The following IGLL1 variants were observed in gnomAD, a reference collection of about 807,000 sequenced individuals.
IGLL1 encodes immunoglobulin lambda-like polypeptide 1.
Under a neutral mutation model 10.5 loss-of-function variants are expected in IGLL1, and 10 were observed. That is an observed-to-expected ratio of 0.95 (90% confidence interval 0.59 to 1.62). The LOEUF is 1.62. Ranked by LOEUF, IGLL1 falls within the 40% of genes most tolerant of loss-of-function variation. The probability of loss-of-function intolerance (pLI) is 0.00; values close to 1 mark genes in which losing one functional copy is unlikely to be tolerated. For synonymous variants in IGLL1, 141 were observed against 122.7 expected (o/e 1.15, Z -0.99); for missense variants, 284 against 278.7 (o/e 1.02, Z -0.14).
At position 23,574,977 on chromosome 22, in the gene IGLL1, G is replaced by A; in HGVS notation, c.312C>T (p.Leu104=). The change falls in exon 2 of 3, where the codon CTC becomes CTT. Residue 104 remains leucine, a synonymous_variant. Transcript: ENST00000330377. ...VTHVFGSGTQ[L]TVLSQPKATP... is the part of the protein sequence containing the mutation. ...GTTAGAGCCACTTACTTAAAACGGT[G>A]AGCTGGGTCCCGCTGCCAAACACAT... 6.2e-7 allele frequency: 1 copy of A among 1,612,094 alleles called. No homozygotes were observed. The highest frequency in any genetic ancestry group is 8.5e-7 in the Non-Finnish European group (1 of 1,178,212).
intron 1 of IGLL1, among the ~76,000 whole-genome samples, chr22:23,578,258 TTTA>T (rs1466257458): frequency 1.3e-5 from 2 of 152,170 alleles, no homozygotes; most frequent in African/African-American, 2.4e-5. Context: ...AATACCATTT[TTTA>T]TTATCTGTGT....
chr22:23,578,133 T>C (rs908932822), intron 1 of IGLL1, among the ~76,000 whole-genome samples: 2 of 151,298 alleles, frequency 1.3e-5, no homozygotes, highest in African/African-American at 4.9e-5. Context: ...CTGCCCATCT[T>C]GGCGTCCTAA....
chr22:23,579,051 CA>C (rs1188822346), intron 1 of IGLL1, among the ~76,000 whole-genome samples: 1 of 152,028 alleles, frequency 6.6e-6, no homozygotes. Context: ...GAGGATGGGA[CA>C]GGGGAGAGCT....
chr22:23,575,061 G>C lies in IGLL1; in HGVS notation c.228C>G (p.Ser76=), dbSNP rs1342167164. The C allele has an allele frequency of 6.2e-7, 1 of 1,614,070 alleles. No homozygotes were observed. ...RWGRFLLQRG[S]WTGPRCWPRG... is the part of the protein sequence containing the mutation. ...GGGGCCAGCACCTGGGGCCAGTCCA[G>C]GAGCCGCGCTGGAGCAGGAACCTGC... Residue 76 remains serine, a synonymous_variant, in exon 2 of 3, where the codon TCC becomes TCG. Coordinates refer to ENST00000330377, the MANE Select transcript of IGLL1 (RefSeq NM_020070.4).
At chr22:23,574,453 T>C (rs1334263091) in intron 2 of IGLL1, among the ~76,000 whole-genome samples, 4 of 151,832 alleles carry the variant, frequency 2.6e-5, no homozygotes, top group African/African-American at 9.7e-5. Flanking sequence ...TGTGTCCCCA[T>C]GCCCTGAAGA....
At chr22:23,579,408 C>T (rs1335906297) in intron 1 of IGLL1, among the ~76,000 whole-genome samples, 1 of 152,124 alleles carries the variant, frequency 6.6e-6, no homozygotes, top group Admixed American at 6.5e-5. Flanking sequence ...TTTGGAGGCA[C>T]TTGCACCCTG....
rs1924920672 is a variant in IGLL1, at chr22:23,573,916, C to G, written c.323-331G>C. Among the ~76,000 whole-genome samples the G allele has an allele frequency of 4.0e-5, 6 of 151,516 alleles. No individual in the cohort carries two copies. The South Asian group carries it at 1.2e-3, about 31-fold the overall frequency. ...GAGTCTGAGTTTGGAATCTAGGGGT[C>G]TCCCTCACAGCACACAAAACTATAC... On this transcript the variant is annotated intron_variant, in intron 2 of 2. Transcript: ENST00000330377.
At position 23,573,253 on chromosome 22, in the gene IGLL1, C is replaced by G. The variant is rs201180487; in HGVS notation, c.*13G>C. ...AGCTCCAGGCCCCTTTGGGTGGGGTCGGGGCTGGGAACCTATGAACATTCT... is the reference window on the plus strand; with the variant it reads ...AGCTCCAGGCCCCTTTGGGTGGGGTGGGGGCTGGGAACCTATGAACATTCT... On this transcript the variant is annotated 3_prime_UTR_variant, in exon 3 of 3. Transcript: ENST00000330377. 8.8e-3 allele frequency: 14,160 copies of G among 1,611,802 alleles called. 116 individuals carry two copies. The highest frequency in any genetic ancestry group is 0.023 in the South Asian group (2,110 of 90,986).
rs566298103 is a variant in IGLL1, at chr22:23,575,995, A to G, written c.207-913T>C. Among the ~76,000 whole-genome samples the G allele has an allele frequency of 8.7e-4, 132 of 151,634 alleles. 1 individual carries two copies. The highest frequency in any genetic ancestry group is 3.1e-3 in the African/African-American group (129 of 41,282). On this transcript the variant is annotated intron_variant, in intron 1 of 2. Transcript: ENST00000330377. ...GCCATTTTCACACTCTGTGACCCCC[A>G]CTATTGCCCACATGGTGAGGCTGGA...
At position 23,573,440 on chromosome 22, in the gene IGLL1, G is replaced by A; in HGVS notation, c.468C>T (p.Ile156=). 6.2e-7 allele frequency: 1 copy of A among 1,614,008 alleles called. No individual in the cohort carries two copies. The highest frequency in any genetic ancestry group is 8.5e-7 in the Non-Finnish European group (1 of 1,179,902). The change falls in exon 3 of 3, where the codon ATC becomes ATT. Residue 156 remains isoleucine (I), a synonymous_variant. Transcript: ENST00000330377. Reference sequence around the variant, plus strand: ...GCGTGGTCATCTCCACGCCCTGGGTGATGGGGGTACCATCTGCCTTCCAGG... The same window carrying A: ...GCGTGGTCATCTCCACGCCCTGGGTAATGGGGGTACCATCTGCCTTCCAGG... The part of the protein sequence containing the change: ...TVTWKADGTP[I]TQGVEMTTPS...
intron 1 of IGLL1, among the ~76,000 whole-genome samples, chr22:23,577,736 A>G (rs1017763359): frequency 3.3e-4 from 50 of 151,924 alleles, no homozygotes; most frequent in Admixed American, 9.2e-4. Flanking sequence ...GGGTCTTGCT[A>G]TGTTGCTCAG....
intron 2 of IGLL1, 48 bp downstream of exon 2, chr22:23,574,919 C>G: frequency 7.7e-7 from 1 of 1,304,032 alleles, no homozygotes; most frequent in Non-Finnish European, 1.1e-6. Flanking sequence ...AACACATTTT[C>G]CAGAGACAGG....
intron 1 of IGLL1, among the ~76,000 whole-genome samples, chr22:23,577,681 A>G (rs1925129981): frequency 6.6e-6 from 1 of 151,520 alleles, no homozygotes; most frequent in Admixed American, 6.6e-5. Flanking sequence ...GACCACAGGC[A>G]AGTGCCACCA....
intron 2 of IGLL1, among the ~76,000 whole-genome samples, chr22:23,574,599 G>C (rs1207439305): frequency 6.6e-6 from 1 of 152,174 alleles, no homozygotes; most frequent in East Asian, 1.9e-4. Flanking sequence ...CCAGCCCTCA[G>C]CCTAGAACCT....
chr22:23,579,289 C>T (rs569802271), intron 1 of IGLL1, among the ~76,000 whole-genome samples: 3 of 152,236 alleles, frequency 2.0e-5, no homozygotes, highest in South Asian at 2.1e-4. Context: ...AAATGGACCC[C>T]GATGCTTGGT....
In IGLL1 at chr22:23,573,311, T is replaced by A. The variant is rs2123695495; in HGVS notation, c.597A>T (p.Glu199Asp). The change falls in exon 3 of 3, where the codon GAA becomes GAT. Residue 199 changes from glutamate (E) to aspartate (D), a missense_variant. Coordinates refer to ENST00000330377, the MANE Select transcript of IGLL1 (RefSeq NM_020070.4). ...RRSYSCQVMHEGSTVEKTVAP... is the reference protein window; with the variant it reads ...RRSYSCQVMHDGSTVEKTVAP... Reference sequence around the variant, plus strand: ...CCACCGTCTTCTCCACGGTGCTCCCTTCGTGCATGACCTGGCAGCTGTAGC... The same window carrying A: ...CCACCGTCTTCTCCACGGTGCTCCCATCGTGCATGACCTGGCAGCTGTAGC... The A allele has an allele frequency of 6.2e-7, 1 of 1,614,078 alleles. No individual in the cohort carries two copies. Among genetic ancestry groups the A allele is most frequent in the Non-Finnish European group, 8.5e-7 (1 of 1,180,006 alleles).
chr22:23,574,943 G>T, intron 2 of IGLL1, 24 bp downstream of exon 2: 1 of 1,482,216 alleles, frequency 6.7e-7, no homozygotes, highest in Non-Finnish European at 9.4e-7. Flanking sequence ...GGGTGGGACA[G>T]CCTGGGAAGT....
At chr22:23,574,156 T>G (rs546161776) in intron 2 of IGLL1, among the ~76,000 whole-genome samples, 4,799 of 130,258 alleles carry the variant, frequency 0.037, 462 homozygotes, top group African/African-American at 0.097. Flanking sequence ...TCCCCCAGAC[T>G]TTGGGGCACC....
In IGLL1 at chr22:23,580,148, C is replaced by T. The variant is rs1925270545; in HGVS notation, c.43G>A (p.Glu15Lys). The T allele has an allele frequency of 5.1e-6, 8 of 1,553,454 alleles. No individual in the cohort carries two copies. The highest frequency in any genetic ancestry group is 6.9e-6 in the Non-Finnish European group (8 of 1,152,342). ...TGQGGLEAPG[E>K]PGPNLRQRWP... ...CGCTGCCTGAGGTTGGGGCCTGGCT[C>T]ACCAGGGGCCTCAAGGCCCCCCTGG... Residue 15 changes from glutamate (E) to lysine (K), a missense_variant, in exon 1 of 3, where the codon GAG becomes AAG. Glu to Lys is a moderately conservative substitution (Grantham distance 56). Coordinates refer to ENST00000330377, the MANE Select transcript of IGLL1 (RefSeq NM_020070.4).
Sources: allele counts gnomAD v4.1 joint callset (sites outside exome capture counted in the v4.1 genomes callset), GRCh38; gene constraint gnomAD v4.1.1; transcripts MANE v1.5; gene names NCBI Gene and HGNC (gene_info 2026-07-23, HGNC 2026-07-21).